PCDHA11: variants seen among roughly 807,000 people sequenced by gnomAD.
PCDHA11 encodes protocadherin alpha 11.
PCDHA11 carries 61 observed loss-of-function variants against 70.3 expected under a neutral mutation model. The observed-to-expected ratio is 0.87, with a 90% confidence interval of 0.71 to 1.07. The LOEUF (loss-of-function observed/expected upper bound fraction) is 1.07. PCDHA11 is among the 50% of genes least tolerant of loss of function. PCDHA11 has a pLI of 0.00. For missense variants in PCDHA11, 1,324 were observed against 1,237.5 expected (o/e 1.07, Z -1.05); for synonymous variants, 633 against 555.1 (o/e 1.14, Z -1.97).
intron 1 of PCDHA11, chr5:140,966,542 G>A (rs926112867): frequency 3.7e-5 from 17 of 464,420 alleles, no homozygotes; most frequent in African/African-American, 1.8e-4. Flanking sequence ...GAGCGACTCG[G>A]AGGCGAGCGG....
chr5:140,883,859 T>C (rs1554180306), intron 1 of PCDHA11: 12 of 1,613,116 alleles, frequency 7.4e-6, no homozygotes, highest in East Asian at 2.2e-5. Context: ...GCTGGAGCTG[T>C]TGCAGTTCCA....
At chr5:140,955,716 A>G (rs2095221843) in intron 1 of PCDHA11, among the ~76,000 whole-genome samples, 1 of 152,220 alleles carries the variant, frequency 6.6e-6, no homozygotes, top group African/African-American at 2.4e-5. Flanking sequence ...TAATAGGAAT[A>G]CCATTGAATC....
chr5:140,915,832 A>T (rs1297251550), intron 1 of PCDHA11, among the ~76,000 whole-genome samples: 1 of 152,084 alleles, frequency 6.6e-6, no homozygotes, highest in Non-Finnish European at 1.5e-5. Context: ...GGGCTCTAAG[A>T]TCAGCAGGGG....
At chr5:140,960,934 A>G (rs1429908471) in intron 1 of PCDHA11, among the ~76,000 whole-genome samples, 3 of 152,236 alleles carry the variant, frequency 2.0e-5, no homozygotes, top group Admixed American at 1.3e-4. Context: ...TACTAAGTTT[A>G]GTGAATTAGA....
At chr5:140,877,593 G>A in intron 1 of PCDHA11, 2 of 1,613,854 alleles carry the variant, frequency 1.2e-6, no homozygotes, top group Non-Finnish European at 1.7e-6. Context: ...TCTGTGCGGT[G>A]TCCAGCCTGC....
chr5:140,968,996 G>A, intron 1 of PCDHA11: 1 of 1,614,202 alleles, frequency 6.2e-7, no homozygotes, highest in Non-Finnish European at 8.5e-7. Flanking sequence ...ATGCTGTGGA[G>A]GCTTCTGTGG....
intron 1 of PCDHA11, chr5:140,968,723 GGTA>G (rs1199893104): frequency 9.3e-6 from 15 of 1,613,990 alleles, no homozygotes; most frequent in Non-Finnish European, 1.3e-5. Context: ...AGATGAGAGT[GGTA>G]GCACTTTCAA....
At chr5:140,915,650 C>G (rs1554197017) in intron 1 of PCDHA11, among the ~76,000 whole-genome samples, 1 of 151,636 alleles carries the variant, frequency 6.6e-6, no homozygotes, top group Non-Finnish European at 1.5e-5. Flanking sequence ...CTCTCTCTCT[C>G]TCTCTCAAGG....
At chr5:140,991,682 C>G (rs1234700322) in intron 3 of PCDHA11, among the ~76,000 whole-genome samples, 2 of 152,170 alleles carry the variant, frequency 1.3e-5, no homozygotes, top group Non-Finnish European at 2.9e-5. Context: ...TCTGAGTCCT[C>G]TCTAGTAGAG....
rs782372222 is a variant in PCDHA11 at position 140,876,213 on chromosome 5, T to C, written c.2391+4719T>C. 11 of 1,613,846 alleles carry C rather than the reference T, an allele frequency of 6.8e-6. No homozygotes were observed. The Admixed American group carries it at 8.3e-5, about 12-fold the overall frequency. On this transcript the variant is annotated intron_variant, in intron 1 of 3. Coordinates refer to ENST00000398640, the MANE Select transcript of PCDHA11 (RefSeq NM_018902.5). The stretch of plus-strand genomic sequence containing the variant: ...GTCCGGCGTTTGATAAGCCCAGCTA[T>C]AAAGTAGTGTTGTCTGAAAATGTCC...
intron 2 of PCDHA11, among the ~76,000 whole-genome samples, chr5:140,981,680 C>T (rs1238332235): frequency 6.6e-6 from 1 of 151,746 alleles, no homozygotes; most frequent in Non-Finnish European, 1.5e-5. Flanking sequence ...CTTCCTTCCT[C>T]CCTTCCATCA....
chr5:140,969,700 A>G (rs2096354004), intron 1 of PCDHA11, among the ~76,000 whole-genome samples: 1 of 152,178 alleles, frequency 6.6e-6, no homozygotes. Context: ...CCTCTGCTGT[A>G]TCATCTACAG....
intron 1 of PCDHA11, chr5:140,877,364 T>A: frequency 6.2e-7 from 1 of 1,613,948 alleles, no homozygotes; most frequent in Non-Finnish European, 8.5e-7. Context: ...ACTGGCGAGA[T>A]CAGCACGACA....
intron 1 of PCDHA11, among the ~76,000 whole-genome samples, chr5:140,939,246 C>G (rs536477969): frequency 6.6e-5 from 10 of 152,230 alleles, no homozygotes; most frequent in African/African-American, 2.2e-4. Context: ...AGCAAGGTAG[C>G]TCTCTGGAAC....
chr5:140,914,758 C>T (rs1435498037), intron 1 of PCDHA11, among the ~76,000 whole-genome samples: 3 of 151,912 alleles, frequency 2.0e-5, no homozygotes, highest in Non-Finnish European at 4.4e-5. Context: ...TTTGAGGTTA[C>T]ATGAGGTTTA....
At chr5:140,909,470 C>T (rs566835545) in intron 1 of PCDHA11, among the ~76,000 whole-genome samples, 1 of 152,320 alleles carries the variant, frequency 6.6e-6, no homozygotes, top group African/African-American at 2.4e-5. Flanking sequence ...GTCTTCTTCA[C>T]AGGCTAAATA....
At chr5:140,918,348 G>A (rs1184826451) in intron 1 of PCDHA11, among the ~76,000 whole-genome samples, 1 of 152,138 alleles carries the variant, frequency 6.6e-6, no homozygotes, top group Non-Finnish European at 1.5e-5. Context: ...GAGATAGGTT[G>A]ACTTCCTCTC....
intron 1 of PCDHA11, chr5:140,882,876 A>G (rs1554175925): frequency 6.2e-7 from 1 of 1,614,238 alleles, no homozygotes. Flanking sequence ...CTGGACAGAG[A>G]GGAAATTCAG....
At chr5:140,875,268 A>G (rs1484025646) in intron 1 of PCDHA11, 4 of 1,218,994 alleles carry the variant, frequency 3.3e-6, no homozygotes, top group Non-Finnish European at 4.4e-6. Context: ...GTCGCTCTAC[A>G]CTCAGAAGGT....
Sources: allele counts gnomAD v4.1 joint callset (sites outside exome capture counted in the v4.1 genomes callset), GRCh38; gene constraint gnomAD v4.1.1; transcripts MANE v1.5; gene names NCBI Gene and HGNC (gene_info 2026-07-23, HGNC 2026-07-21).